Variants in SORCS1 observed in about 807,000 individuals in gnomAD.
SORCS1 encodes the protein VPS10 domain-containing receptor SorCS1.
In SORCS1, 60 loss-of-function variants were observed where a neutral mutation model predicts 146.1. The observed-to-expected ratio is 0.41, with a 90% confidence interval of 0.33 to 0.51. SORCS1 has a LOEUF of 0.51. Among genes scored for constraint, SORCS1 ranks in the 20% least tolerant of loss-of-function variants. SORCS1 has a pLI of 0.21. For synonymous variants in SORCS1, 637 were observed against 584.0 expected, an observed-to-expected ratio of 1.09 and a Z score of -1.31; for missense variants, 1,352 against 1,487.6, an observed-to-expected ratio of 0.91 and a Z score of 1.50.
chr10:106,913,283 G>A (rs1229785399), intron 2 of SORCS1, among the ~76,000 whole-genome samples: 1 of 152,146 alleles, frequency 6.6e-6, no homozygotes, highest in African/African-American at 2.4e-5. Flanking sequence ...ATTATTCAAT[G>A]CCAGAACCAA....
At chr10:106,808,008 G>C (rs2136735236) in intron 3 of SORCS1, among the ~76,000 whole-genome samples, 1 of 152,248 alleles carries the variant, frequency 6.6e-6, no homozygotes, top group Middle Eastern at 3.4e-3. Context: ...CATGGTATTA[G>C]TGACTCTATT....
intron 1 of SORCS1, among the ~76,000 whole-genome samples, chr10:106,996,237 A>AAC (rs1241646990): frequency 0.015 from 789 of 53,684 alleles, 5 homozygotes; most frequent in Middle Eastern, 0.1. Flanking sequence ...AAAAAAAAAA[A>AAC]AAAAAAAAAA....
the SORCS1 span, among the ~76,000 whole-genome samples, chr10:107,179,913 T>TC: frequency 1.7e-5 from 2 of 118,510 alleles, no homozygotes; most frequent in Admixed American, 8.6e-5. Flanking sequence ...ACTTTTTTTT[T>TC]TTTTTTTTTT....
chr10:107,157,469 G>GA (rs903416407), intron 1 of SORCS1, among the ~76,000 whole-genome samples: 11 of 152,122 alleles, frequency 7.2e-5, no homozygotes, highest in African/African-American at 2.4e-4. Flanking sequence ...ATCGTGGTGA[G>GA]AAAAAATACC....
At chr10:106,629,046 C>A (rs547165329) in intron 19 of SORCS1, among the ~76,000 whole-genome samples, 156 bp downstream of exon 19, 1 of 152,300 alleles carries the variant, frequency 6.6e-6, no homozygotes, top group African/African-American at 2.4e-5. Flanking sequence ...TTTCTTCTCA[C>A]TCTTTCCTTA....
chr10:106,610,766 C>T (rs1165766038), intron 22 of SORCS1, among the ~76,000 whole-genome samples: 1 of 152,208 alleles, frequency 6.6e-6, no homozygotes, highest in South Asian at 2.1e-4. Context: ...GGCTATCCCA[C>T]TCCTCTGCTC....
chr10:107,011,697 T>G (rs1250972110), intron 1 of SORCS1, among the ~76,000 whole-genome samples: 1 of 152,204 alleles, frequency 6.6e-6, no homozygotes, highest in Admixed American at 6.5e-5. Context: ...ACAGACAGAA[T>G]GTTTCACCTT....
intron 1 of SORCS1, among the ~76,000 whole-genome samples, chr10:106,987,866 T>C (rs1447246840): frequency 6.6e-6 from 1 of 152,202 alleles, no homozygotes; most frequent in Non-Finnish European, 1.5e-5. Context: ...TTTTATTATA[T>C]TACAAAATCA....
At chr10:106,642,922 A>C (rs1049404236) in intron 18 of SORCS1, among the ~76,000 whole-genome samples, 2 of 152,200 alleles carry the variant, frequency 1.3e-5, no homozygotes, top group African/African-American at 4.8e-5. Context: ...AGAATATAAG[A>C]GCCACAGGCC....
intron 4 of SORCS1, among the ~76,000 whole-genome samples, chr10:106,771,906 T>C (rs1860047346): frequency 6.6e-6 from 1 of 152,296 alleles, no homozygotes; most frequent in African/African-American, 2.4e-5. Flanking sequence ...AGAATTTCAA[T>C]GGGTAAAAGG....
Position 106,629,950 on chromosome 10 carries a change from C to T in SORCS1, c.2476-562G>A, listed in dbSNP as rs144708140. On this transcript the variant is annotated intron_variant, in intron 18 of 25. Transcript: ENST00000263054. ...TCCCAGCTACTCGGGGGGGCTGAGGCGGGAGAATTGCTTGAATCTGGCAGG... is the reference window on the plus strand; with the variant it reads ...TCCCAGCTACTCGGGGGGGCTGAGGTGGGAGAATTGCTTGAATCTGGCAGG... 2.4e-3 allele frequency among the ~76,000 whole-genome samples: 363 copies of T among 152,286 alleles called. 3 individuals are homozygous for T. Among genetic ancestry groups the T allele is most frequent in the African/African-American group, 8.1e-3 (335 of 41,550 alleles).
chr10:107,032,928 A>T (rs1958728432), intron 1 of SORCS1, among the ~76,000 whole-genome samples: 1 of 152,094 alleles, frequency 6.6e-6, no homozygotes, highest in Admixed American at 6.5e-5. Context: ...GAACCTGTCC[A>T]CCCTGAAATC....
chr10:107,044,917 G>C (rs1362239342), intron 1 of SORCS1, among the ~76,000 whole-genome samples: 1 of 151,938 alleles, frequency 6.6e-6, no homozygotes, highest in Non-Finnish European at 1.5e-5. Flanking sequence ...TATATTGAAG[G>C]GTTAACACAT....
At chr10:106,620,246 GC>G in intron 20 of SORCS1, 181 bp downstream of exon 20, 1 of 631,034 alleles carries the variant, frequency 1.6e-6, no homozygotes, top group Non-Finnish European at 2.5e-6. Flanking sequence ...GTGGAGAGGG[GC>G]CAGAGAGAGA....
In SORCS1 at chr10:106,735,114, C is replaced by A. The variant is rs1046579477; in HGVS notation, c.960-5000G>T. 7.7e-5 allele frequency among the ~76,000 whole-genome samples: 11 copies of A among 143,544 alleles called. No homozygotes were observed. The Admixed American group carries it at 8.2e-4, about 11-fold the overall frequency. The allele number at this position is 143,544 out of a possible 152,430, so 94.2% of individuals were successfully genotyped here. A position where few individuals can be genotyped will look rare whatever the true frequency, so the allele number is the denominator to read the frequency against. Reference sequence around the variant, plus strand: ...TGAGCCGAGATCAAGCCAGTGCACTCCAGGCTGGGCGACAAGAGCGAGACT... The same window carrying A: ...TGAGCCGAGATCAAGCCAGTGCACTACAGGCTGGGCGACAAGAGCGAGACT... On this transcript the variant is annotated intron_variant, in intron 5 of 25. Coordinates refer to ENST00000263054, the MANE Select transcript of SORCS1 (RefSeq NM_052918.5).
intron 1 of SORCS1, among the ~76,000 whole-genome samples, chr10:106,957,792 A>G (rs568743258): frequency 2.0e-5 from 3 of 152,358 alleles, no homozygotes; most frequent in Non-Finnish European, 4.4e-5. Context: ...AATAGAAAGC[A>G]GCACTATTTC....
intron 17 of SORCS1, among the ~76,000 whole-genome samples, chr10:106,659,146 G>C (rs1053908167): frequency 2.0e-5 from 3 of 152,216 alleles, no homozygotes; most frequent in East Asian, 1.9e-4. Context: ...TGGCTAAGCA[G>C]GCTTTCCAAG....
chr10:106,743,115 A>G (rs557844962), intron 5 of SORCS1, among the ~76,000 whole-genome samples: 76 of 152,214 alleles, frequency 5.0e-4, no homozygotes, highest in Admixed American at 2.6e-3. Flanking sequence ...GTGAATTCCT[A>G]AAGTTGGTTT....
chr10:107,027,592 C>T (rs1317377635), intron 1 of SORCS1, among the ~76,000 whole-genome samples: 1 of 152,170 alleles, frequency 6.6e-6, no homozygotes, highest in South Asian at 2.1e-4. Flanking sequence ...TTACACTCAT[C>T]CCCGAGCAGT....
Sources: gnomAD v4.1 joint callset for allele counts (sites outside exome capture counted in the v4.1 genomes callset) on GRCh38, gnomAD v4.1.1 for gene constraint, MANE v1.5 for transcripts, NCBI Gene and HGNC (gene_info 2026-07-23, HGNC 2026-07-21) for gene names.